RYR3: variants seen among roughly 807,000 people sequenced by gnomAD.
The protein encoded by RYR3 is ryanodine receptor 3.
RYR3 carries 207 observed loss-of-function variants against 584.3 expected under a neutral mutation model. That is an observed-to-expected ratio of 0.35 (90% CI 0.32 to 0.40). RYR3 has a LOEUF of 0.40. Among genes scored for constraint, RYR3 ranks in the 10% least tolerant of loss-of-function variants. The pLI is 1.00. For synonymous variants in RYR3, 2,416 were observed against 2,248.5 expected, an observed-to-expected ratio of 1.07 and a Z score of -2.11; for missense variants, 5,616 against 6,089.2, an observed-to-expected ratio of 0.92 and a Z score of 2.59.
chr15:33,847,222 C>T (rs2078780879), intron 93 of RYR3: 1 of 152,208 alleles, frequency 6.6e-6, no homozygotes, highest in Non-Finnish European at 1.5e-5. Context: ...GCCTTTGCCA[C>T]CTTCCTATCG....
intron 43 of RYR3, among the ~76,000 whole-genome samples, chr15:33,717,622 T>G (rs1322423397): frequency 6.6e-6 from 1 of 152,218 alleles, no homozygotes; most frequent in African/African-American, 2.4e-5. Flanking sequence ...TTCTACTCTC[T>G]TATATTGGCC....
intron 38 of RYR3, among the ~76,000 whole-genome samples, chr15:33,675,116 G>A (rs1245883393): frequency 5.9e-5 from 9 of 152,170 alleles, no homozygotes; most frequent in South Asian, 2.1e-4. Context: ...CAGCTAAACC[G>A]TATGCAGGCT....
intron 8 of RYR3, among the ~76,000 whole-genome samples, chr15:33,547,038 G>T (rs1000052906): frequency 2.0e-5 from 3 of 152,166 alleles, no homozygotes; most frequent in African/African-American, 7.2e-5. Context: ...CAGGTAATCT[G>T]GGGACTGCTG....
At chr15:33,317,582 A>C (rs1243915565) in intron 1 of RYR3, among the ~76,000 whole-genome samples, 1 of 152,226 alleles carries the variant, frequency 6.6e-6, no homozygotes, top group African/African-American at 2.4e-5. Context: ...GAGAGGGAAG[A>C]AAAAGTGCTG....
At chr15:33,605,022 G>A (rs1471231908) in intron 18 of RYR3, among the ~76,000 whole-genome samples, 1 of 152,146 alleles carries the variant, frequency 6.6e-6, no homozygotes, top group Non-Finnish European at 1.5e-5. Context: ...CTGGAGCCCA[G>A]CTACACCTGA....
chr15:33,625,717 T>C (rs541269301), intron 20 of RYR3, among the ~76,000 whole-genome samples: 2 of 152,194 alleles, frequency 1.3e-5, no homozygotes, highest in South Asian at 4.2e-4. Context: ...GGAAAATAAG[T>C]GTCTTTGGTG....
At chr15:33,618,266 C>T (rs192436140) in intron 19 of RYR3, among the ~76,000 whole-genome samples, 2,041 of 152,220 alleles carry the variant, frequency 0.013, 22 homozygotes, top group Middle Eastern at 0.051. Flanking sequence ...ACTCTTTTGC[C>T]AGCTCTAATT....
At chr15:33,727,258 ACTCTC>A (rs976520352) in intron 46 of RYR3, among the ~76,000 whole-genome samples, 3 of 151,960 alleles carry the variant, frequency 2.0e-5, no homozygotes, top group African/African-American at 7.2e-5. Context: ...CAAAACTTAT[ACTCTC>A]CTCGAAGTGT....
chr15:33,433,582 A>G (rs564756541), intron 1 of RYR3, among the ~76,000 whole-genome samples: 1 of 152,342 alleles, frequency 6.6e-6, no homozygotes, highest in African/African-American at 2.4e-5. Flanking sequence ...TAAGAAGTAA[A>G]AATATAGAAG....
intron 86 of RYR3, among the ~76,000 whole-genome samples, chr15:33,831,931 C>T (rs919460751): frequency 3.1e-4 from 47 of 152,062 alleles, no homozygotes; most frequent in Admixed American, 2.4e-3. Flanking sequence ...CAGTATATTG[C>T]CTCTACCCGT....
intron 3 of RYR3, among the ~76,000 whole-genome samples, chr15:33,511,873 G>C (rs1045874502): frequency 6.6e-6 from 1 of 152,170 alleles, no homozygotes; most frequent in African/African-American, 2.4e-5. Flanking sequence ...CCACCTCCCG[G>C]GTTCACGCCA....
chr15:33,623,370 G>A (rs566860042), intron 19 of RYR3, among the ~76,000 whole-genome samples: 9 of 152,214 alleles, frequency 5.9e-5, no homozygotes, highest in African/African-American at 1.7e-4. Context: ...ATATAGTTAC[G>A]TCATGCTTTC....
At chr15:33,640,584 C>G (rs568710896) in intron 27 of RYR3, among the ~76,000 whole-genome samples, 2 of 152,264 alleles carry the variant, frequency 1.3e-5, no homozygotes, top group African/African-American at 4.8e-5. Context: ...TTTGAGAGAG[C>G]TGACTTCTTT....
intron 27 of RYR3, among the ~76,000 whole-genome samples, chr15:33,637,623 C>T (rs1270274945): frequency 1.3e-5 from 2 of 152,198 alleles, no homozygotes; most frequent in African/African-American, 4.8e-5. Context: ...CATTTCCTAC[C>T]TAGAAAGCTA....
At chr15:33,676,339 A>G (rs1292832657) in intron 38 of RYR3, among the ~76,000 whole-genome samples, 1 of 152,156 alleles carries the variant, frequency 6.6e-6, no homozygotes, top group Non-Finnish European at 1.5e-5. Context: ...TCTGGGGCAG[A>G]CTTCTCATCT....
intron 1 of RYR3, among the ~76,000 whole-genome samples, chr15:33,421,423 T>C (rs141636666): frequency 3.6e-4 from 55 of 152,198 alleles, no homozygotes; most frequent in Non-Finnish European, 6.5e-4. Context: ...GATAACGACA[T>C]TGAGGATGGA....
chr15:33,748,896 C>T (rs1192304343), intron 55 of RYR3, among the ~76,000 whole-genome samples: 1 of 152,124 alleles, frequency 6.6e-6, no homozygotes, highest in East Asian at 1.9e-4. Flanking sequence ...TTACCTATAA[C>T]CTACACACAT....
chr15:33,813,708 C>A, intron 74 of RYR3, 129 bp downstream of exon 74: 3 of 744,878 alleles, frequency 4.0e-6, no homozygotes, highest in Non-Finnish European at 6.9e-6. Flanking sequence ...GGAGCTATTG[C>A]AGTCTGCATA....
chr15:33,534,815 G>A (rs1034132141), intron 5 of RYR3, among the ~76,000 whole-genome samples: 3 of 152,146 alleles, frequency 2.0e-5, no homozygotes, highest in African/African-American at 7.2e-5. Flanking sequence ...TTGGGATATC[G>A]GGTGCTCCCT....
Sources: gnomAD v4.1 joint callset for allele counts (sites outside exome capture counted in the v4.1 genomes callset) on GRCh38, gnomAD v4.1.1 for gene constraint, MANE v1.5 for transcripts, NCBI Gene and HGNC (gene_info 2026-07-23, HGNC 2026-07-21) for gene names.